Variants in KCNH5 observed in about 807,000 individuals in gnomAD.
KCNH5 encodes voltage-gated delayed rectifier potassium channel KCNH5.
KCNH5 carries 46 observed loss-of-function variants against 96.1 expected under a neutral mutation model. That is an observed-to-expected ratio of 0.48 (90% CI 0.38 to 0.61). KCNH5 has a LOEUF of 0.61. Ranked by LOEUF, KCNH5 falls within the 20% of genes least tolerant of loss-of-function variation. KCNH5 has a pLI of 0.00. For missense variants in KCNH5, 907 were observed against 1,225.8 expected, an observed-to-expected ratio of 0.74 and a Z score of 3.88; for synonymous variants, 439 against 449.8, an observed-to-expected ratio of 0.98 and a Z score of 0.30.
chr14:62,930,343 C>T (rs1187194651), intron 7 of KCNH5, among the ~76,000 whole-genome samples: 1 of 152,086 alleles, frequency 6.6e-6, no homozygotes. Context: ...AAAGTTCTAC[C>T]TGACAACAGA....
chr14:62,815,882 CA>C (rs1886967576), intron 8 of KCNH5, among the ~76,000 whole-genome samples: 1 of 151,868 alleles, frequency 6.6e-6, no homozygotes, highest in Admixed American at 6.6e-5. Context: ...CACACACACA[CA>C]AAACACCAAC....
chr14:62,839,413 G>C (rs777857691), intron 8 of KCNH5, among the ~76,000 whole-genome samples: 1 of 152,108 alleles, frequency 6.6e-6, no homozygotes, highest in Non-Finnish European at 1.5e-5. Flanking sequence ...ACCCTGATCT[G>C]AATATATTCT....
At chr14:62,989,582 C>T (rs763730586) in intron 4 of KCNH5, among the ~76,000 whole-genome samples, 29 of 151,974 alleles carry the variant, frequency 1.9e-4, no homozygotes, top group Non-Finnish European at 3.5e-4. Flanking sequence ...CTTCTTTGAT[C>T]CACCCACAAG....
intron 3 of KCNH5, among the ~76,000 whole-genome samples, 174 bp downstream of exon 3, chr14:63,006,178 AAGGTTACTTTCCAT>A (rs943798018): frequency 6.6e-6 from 1 of 152,148 alleles, no homozygotes; most frequent in Non-Finnish European, 1.5e-5. Context: ...CATTCCTCAA[AAGGTTACTTTCCAT>A]AGGTAGAATT....
intron 7 of KCNH5, among the ~76,000 whole-genome samples, chr14:62,912,926 C>G (rs1889198765): frequency 6.6e-6 from 1 of 152,148 alleles, no homozygotes; most frequent in Non-Finnish European, 1.5e-5. Context: ...TAAGGCTAAA[C>G]CCCTGCTGGG....
intron 10 of KCNH5, among the ~76,000 whole-genome samples, chr14:62,739,304 A>C (rs1186359343): frequency 6.6e-6 from 1 of 152,194 alleles, no homozygotes; most frequent in African/African-American, 2.4e-5. Flanking sequence ...AGCCTCTCTT[A>C]AAAGGACCCA....
At chr14:62,796,048 A>C (rs572123903) in intron 9 of KCNH5, among the ~76,000 whole-genome samples, 30 of 152,258 alleles carry the variant, frequency 2.0e-4, no homozygotes, top group Admixed American at 9.8e-4. Flanking sequence ...CAATGACACA[A>C]ATCAGGCCAG....
chr14:62,901,048 G>T (rs1413681566), intron 7 of KCNH5, among the ~76,000 whole-genome samples: 3 of 151,982 alleles, frequency 2.0e-5, no homozygotes, highest in Non-Finnish European at 4.4e-5. Context: ...GAGTGCAGTG[G>T]CATGATCTCG....
intron 2 of KCNH5, among the ~76,000 whole-genome samples, chr14:63,015,509 A>G (rs1029180467): frequency 1.3e-5 from 2 of 152,010 alleles, no homozygotes; most frequent in African/African-American, 4.8e-5. Context: ...ATACAGATAT[A>G]CATGTTCCTC....
chr14:63,004,081 G>A (rs755034311), intron 3 of KCNH5, among the ~76,000 whole-genome samples: 13 of 152,094 alleles, frequency 8.5e-5, no homozygotes, highest in Non-Finnish European at 1.8e-4. Context: ...TTTGCAAAAT[G>A]GTGTTTAACT....
At chr14:62,945,401 A>T (rs929223842) in intron 7 of KCNH5, among the ~76,000 whole-genome samples, 3 of 152,202 alleles carry the variant, frequency 2.0e-5, no homozygotes, top group African/African-American at 7.2e-5. Context: ...ACTTGATCGT[A>T]GATCTAACTG....
At position 62,877,908 on chromosome 14, in the gene KCNH5, C is replaced by T. The variant is rs529716257; in HGVS notation, c.1370-28056G>A. ...GACACATGCACACGTATGTTTATTG[C>T]GGCACTATTCACAATAGCAAAGACT... On this transcript the variant is annotated intron_variant, in intron 7 of 10. Coordinates refer to ENST00000322893, the MANE Select transcript of KCNH5 (RefSeq NM_139318.5). Among the ~76,000 whole-genome samples, 411 of 150,472 alleles carry T rather than the reference C, an allele frequency of 2.7e-3. 2 individuals are homozygous for T. Among genetic ancestry groups the T allele is most frequent in the Non-Finnish European group, 4.8e-3 (322 of 67,512 alleles).
At chr14:62,922,642 T>C (rs574433294) in intron 7 of KCNH5, among the ~76,000 whole-genome samples, 7 of 152,012 alleles carry the variant, frequency 4.6e-5, no homozygotes, top group Non-Finnish European at 8.8e-5. Context: ...GATGCCAGGA[T>C]GGTTCAACAT....
At chr14:62,880,233 T>C (rs1025073704) in intron 7 of KCNH5, among the ~76,000 whole-genome samples, 2 of 152,174 alleles carry the variant, frequency 1.3e-5, no homozygotes, top group Non-Finnish European at 2.9e-5. Flanking sequence ...ACAGTGGCAC[T>C]AGAAAAGACA....
At chr14:62,934,871 G>A (rs1383791669) in intron 7 of KCNH5, among the ~76,000 whole-genome samples, 1 of 152,092 alleles carries the variant, frequency 6.6e-6, no homozygotes, top group African/African-American at 2.4e-5. Context: ...ACATGGGGGT[G>A]GGTGGCAGTG....
At chr14:62,814,404 A>T (rs185161021) in intron 8 of KCNH5, among the ~76,000 whole-genome samples, 1 of 152,280 alleles carries the variant, frequency 6.6e-6, no homozygotes, top group East Asian at 1.9e-4. Flanking sequence ...ATATTTGACT[A>T]AATAACAGTG....
At chr14:63,031,991 A>G (rs193193754) in intron 1 of KCNH5, among the ~76,000 whole-genome samples, 1 of 152,042 alleles carries the variant, frequency 6.6e-6, no homozygotes, top group Admixed American at 6.5e-5. Flanking sequence ...GAAATATTTC[A>G]GAGGACTAGC....
intron 10 of KCNH5, among the ~76,000 whole-genome samples, chr14:62,746,597 C>T (rs935043393): frequency 6.6e-6 from 1 of 152,168 alleles, no homozygotes; most frequent in African/African-American, 2.4e-5. Flanking sequence ...GCTCTGTTTT[C>T]GGCTGGTGAC....
chr14:62,850,612 C>T (rs923962866), intron 7 of KCNH5, among the ~76,000 whole-genome samples: 3 of 152,122 alleles, frequency 2.0e-5, no homozygotes, highest in African/African-American at 7.2e-5. Context: ...ACTGCTCCCT[C>T]CTCCTCAATC....
Sources: allele counts gnomAD v4.1 joint callset (sites outside exome capture counted in the v4.1 genomes callset), GRCh38; gene constraint gnomAD v4.1.1; transcripts MANE v1.5; gene names NCBI Gene and HGNC (gene_info 2026-07-23, HGNC 2026-07-21).